CSGALNACT1: variants seen among roughly 807,000 people sequenced by gnomAD.
The protein encoded by CSGALNACT1 is chondroitin sulfate N-acetylgalactosaminyltransferase 1, also known as beta4GalNAcT-1.
In CSGALNACT1, 52 loss-of-function variants were observed where a neutral mutation model predicts 51.0. The ratio of observed to expected loss-of-function variants is 1.02; its 90% confidence interval spans 0.82 to 1.29. The LOEUF is 1.29. Among genes scored for constraint, CSGALNACT1 ranks in the 50% most tolerant of loss-of-function variants. The pLI is 0.00. For missense variants in CSGALNACT1, 935 were observed against 679.2 expected, an observed-to-expected ratio of 1.38 and a Z score of -4.19; for synonymous variants, 341 against 254.4, an observed-to-expected ratio of 1.34 and a Z score of -3.24.
chr8:19,619,566 T>A (rs1318422087), intron 1 of CSGALNACT1, among the ~76,000 whole-genome samples: 1 of 152,064 alleles, frequency 6.6e-6, no homozygotes, highest in African/African-American at 2.4e-5. Context: ...GAAGGACTGG[T>A]GCCAGACTAG....
rs568744418 is a variant in CSGALNACT1, at chr8:19,712,669, C to T, written c.-297+45181G>A. Among the ~76,000 whole-genome samples, 7 of 152,314 alleles carry T rather than the reference C, an allele frequency of 4.6e-5. No homozygotes were observed. In the South Asian group the frequency reaches 8.3e-4, roughly 18 times the overall value. ...TACACAAAAGAAATGCCAACCACTG[C>T]GTTTCTTAAAATGCAGTGCCTTCCT... On this transcript the variant is annotated intron_variant, in intron 1 of 1. Transcript: ENST00000517494.
At chr8:19,649,819 C>CAAAAAAAAAAAAAAAAAAAAAAAAAAAA (rs57549612) in intron 1 of CSGALNACT1, among the ~76,000 whole-genome samples, 4 of 29,398 alleles carry the variant, frequency 1.4e-4, no homozygotes, top group African/African-American at 1.3e-4. Flanking sequence ...TTCCAAGTAG[C>CAAAAAAAAAAAAAAAAAAAAAAAAAAAA]AAAAAAAAAA....
At chr8:19,448,952 T>C (rs2062609794) in intron 5 of CSGALNACT1, among the ~76,000 whole-genome samples, 1 of 152,196 alleles carries the variant, frequency 6.6e-6, no homozygotes, top group Admixed American at 6.5e-5. Flanking sequence ...AAGTAAAACC[T>C]GGCTTTAAAA....
intron 1 of CSGALNACT1, among the ~76,000 whole-genome samples, chr8:19,747,512 A>T (rs1381519554): frequency 6.6e-6 from 1 of 152,192 alleles, no homozygotes; most frequent in Non-Finnish European, 1.5e-5. Context: ...TACTTAAGTG[A>T]ATAATATGTT....
chr8:19,550,795 C>CA (rs2087837378), intron 3 of CSGALNACT1, among the ~76,000 whole-genome samples: 1 of 152,160 alleles, frequency 6.6e-6, no homozygotes, highest in Non-Finnish European at 1.5e-5. Flanking sequence ...GCCCCATTGT[C>CA]AGAGTTCTGG....
At chr8:19,426,990 G>C (rs1352273691) in intron 6 of CSGALNACT1, among the ~76,000 whole-genome samples, 1 of 152,150 alleles carries the variant, frequency 6.6e-6, no homozygotes, top group African/African-American at 2.4e-5. Flanking sequence ...AAATCTCACA[G>C]CTCTAAATAC....
intron 3 of CSGALNACT1, among the ~76,000 whole-genome samples, chr8:19,515,463 G>A (rs918243979): frequency 6.6e-6 from 1 of 152,184 alleles, no homozygotes; most frequent in Non-Finnish European, 1.5e-5. Context: ...CTAGTTGGGA[G>A]GGATCCTCCA....
chr8:19,736,596 C>T (rs774755248), intron 1 of CSGALNACT1, among the ~76,000 whole-genome samples: 15 of 151,716 alleles, frequency 9.9e-5, no homozygotes, highest in Non-Finnish European at 1.6e-4. Context: ...ACAGTTCTTA[C>T]GCACAGTATG....
At chr8:19,736,662 G>T (rs112951087) in intron 1 of CSGALNACT1, among the ~76,000 whole-genome samples, 28 of 152,190 alleles carry the variant, frequency 1.8e-4, no homozygotes, top group Non-Finnish European at 3.7e-4. Flanking sequence ...ATTGGACATG[G>T]TTAAAAAGAG....
At chr8:19,539,995 A>T (rs2084712590) in intron 3 of CSGALNACT1, among the ~76,000 whole-genome samples, 1 of 152,202 alleles carries the variant, frequency 6.6e-6, no homozygotes, top group South Asian at 2.1e-4. Context: ...TGAGAGAACT[A>T]GTCAACTAGT....
chr8:19,588,811 C>T (rs1434206465), intron 3 of CSGALNACT1, among the ~76,000 whole-genome samples: 1 of 152,226 alleles, frequency 6.6e-6, no homozygotes, highest in Non-Finnish European at 1.5e-5. Flanking sequence ...GACCCAGATC[C>T]TAGCTGTACT....
At chr8:19,735,046 T>C (rs2063895527) in intron 1 of CSGALNACT1, among the ~76,000 whole-genome samples, 1 of 152,066 alleles carries the variant, frequency 6.6e-6, no homozygotes, top group Non-Finnish European at 1.5e-5. Flanking sequence ...AGGGGCAATG[T>C]CTAGGGCATA....
rs796957801 is a variant in CSGALNACT1, at chr8:19,421,509, C to T, written c.954-991G>A. ...CAAATCCCTTTTCCTGTCAACGACACCCTTCTTTTCCTAATGGCTTCCTTT... is the reference window on the plus strand; with the variant it reads ...CAAATCCCTTTTCCTGTCAACGACATCCTTCTTTTCCTAATGGCTTCCTTT... On this transcript the variant is annotated intron_variant, in intron 6 of 9. Transcript: ENST00000454498. Among the ~76,000 whole-genome samples, 4 of 152,286 alleles carry T rather than the reference C, an allele frequency of 2.6e-5. 1 individual carries two copies. Among genetic ancestry groups the T allele is most frequent in the African/African-American group, 9.6e-5 (4 of 41,560 alleles).
intron 1 of CSGALNACT1, among the ~76,000 whole-genome samples, chr8:19,733,756 T>G (rs754196112): frequency 1.9e-4 from 29 of 152,218 alleles, no homozygotes; most frequent in Admixed American, 7.2e-4. Context: ...AGGTGAGAAT[T>G]CTACATTTTG....
rs530781444 is a variant in CSGALNACT1, at chr8:19,693,154, G to A, written c.-297+64696C>T. 3.4e-4 allele frequency among the ~76,000 whole-genome samples: 52 copies of A among 152,126 alleles called. 1 individual carries two copies. Among genetic ancestry groups the A allele is most frequent in the Non-Finnish European group, 7.1e-4 (48 of 68,036 alleles). Reference sequence around the variant, plus strand: ...CCTTTTCCAGGCTTATTTGCCAACTGGCTCCAGCTGGGTTTAAGTGGAAGA... The same window carrying A: ...CCTTTTCCAGGCTTATTTGCCAACTAGCTCCAGCTGGGTTTAAGTGGAAGA... On this transcript the variant is annotated intron_variant, in intron 1 of 1. Transcript: ENST00000517494.
chr8:19,540,787 C>G (rs2084916503), intron 3 of CSGALNACT1, among the ~76,000 whole-genome samples: 1 of 152,160 alleles, frequency 6.6e-6, no homozygotes, highest in Non-Finnish European at 1.5e-5. Flanking sequence ...AGCCTTTCCT[C>G]TCCCTCCACC....
At chr8:19,450,609 A>C (rs985598185) in intron 5 of CSGALNACT1, among the ~76,000 whole-genome samples, 2 of 152,132 alleles carry the variant, frequency 1.3e-5, no homozygotes, top group Non-Finnish European at 2.9e-5. Flanking sequence ...ACAAAAATGA[A>C]GTCATTTGCA....
At chr8:19,484,341 G>A (rs892269033) in intron 4 of CSGALNACT1, among the ~76,000 whole-genome samples, 1 of 152,152 alleles carries the variant, frequency 6.6e-6, no homozygotes, top group Non-Finnish European at 1.5e-5. Context: ...AAGAGGGGTT[G>A]GTACTATTCA....
At chr8:19,603,913 G>A (rs2050963459), upstream of CSGALNACT1, among the ~76,000 whole-genome samples, 1 of 151,732 alleles carries the variant, frequency 6.6e-6, no homozygotes. Context: ...CCAGCAACTT[G>A]AAGAACTGTT....
Sources: allele counts gnomAD v4.1 joint callset (sites outside exome capture counted in the v4.1 genomes callset), GRCh38; gene constraint gnomAD v4.1.1; transcripts MANE v1.5; gene names NCBI Gene and HGNC (gene_info 2026-07-23, HGNC 2026-07-21).